PITPNA: variants seen among roughly 807,000 people sequenced by gnomAD.
The protein encoded by PITPNA is phosphatidylinositol transfer protein alpha, also known as phosphatidylinositol transfer protein alpha isoform.
Under a neutral mutation model 50.3 loss-of-function variants are expected in PITPNA, and 13 were observed. That is an observed-to-expected ratio of 0.26 (90% CI 0.17 to 0.41). The LOEUF is 0.41. Ranked by LOEUF, PITPNA falls within the 10% of genes least tolerant of loss-of-function variation. The pLI is 1.00. For synonymous variants in PITPNA, 120 were observed against 119.6 expected, an observed-to-expected ratio of 1.00 and a Z score of -0.02; for missense variants, 207 against 333.4, an observed-to-expected ratio of 0.62 and a Z score of 2.95.
intron 10 of PITPNA, among the ~76,000 whole-genome samples, chr17:1,525,543 C>A (rs981528143): frequency 4.5e-5 from 6 of 132,972 alleles, no homozygotes; most frequent in African/African-American, 1.7e-4. Flanking sequence ...CAAGGTCTCA[C>A]TCTGTCGCTC....
chr17:1,528,730 G>C (rs531725637), intron 10 of PITPNA, among the ~76,000 whole-genome samples: 9 of 149,000 alleles, frequency 6.0e-5, no homozygotes, highest in Admixed American at 4.0e-4. Context: ...GAGCGAGACT[G>C]TCTCTCTTAA....
At chr17:1,555,744 G>A (rs1306595671) in intron 2 of PITPNA, among the ~76,000 whole-genome samples, 1 of 152,210 alleles carries the variant, frequency 6.6e-6, no homozygotes, top group African/African-American at 2.4e-5. Flanking sequence ...GGGTACCAGA[G>A]GGGGACTGGT....
rs2075491993 is a variant in PITPNA, at chr17:1,519,023, GTCTGTCCA to G, written c.*1530_*1537del. ...AGCGCTAACCATGCTGGGGGTCTGA[GTCTGTCCA>G]CCCTTGCCCCAGGAGGGCCACAGGG... On this transcript the variant is annotated 3_prime_UTR_variant, in exon 12 of 12. Coordinates refer to ENST00000313486, the MANE Select transcript of PITPNA (RefSeq NM_006224.4). 1 of 152,310 alleles carries G rather than the reference GTCTGTCCA, an allele frequency of 6.6e-6. No homozygotes were observed. Among genetic ancestry groups the G allele is most frequent in the Non-Finnish European group, 1.5e-5 (1 of 68,052 alleles). 9.4% of individuals were successfully genotyped at this position (152,310 alleles called of 1,614,324 possible). A position where few individuals can be genotyped will look rare whatever the true frequency, so the allele number is the denominator to read the frequency against.
intron 11 of PITPNA, among the ~76,000 whole-genome samples, chr17:1,520,898 A>G (rs991291552): frequency 6.6e-6 from 1 of 152,128 alleles, no homozygotes; most frequent in African/African-American, 2.4e-5. Flanking sequence ...CAGGTTTTTC[A>G]TTCAGTGATT....
At chr17:1,543,737 T>C (rs2075659660) in intron 4 of PITPNA, among the ~76,000 whole-genome samples, 1 of 152,068 alleles carries the variant, frequency 6.6e-6, no homozygotes, top group South Asian at 2.1e-4. Context: ...GAGCACAAAA[T>C]GAGGCAAAGT....
At chr17:1,528,493 T>A (rs932897978) in intron 10 of PITPNA, among the ~76,000 whole-genome samples, 1 of 152,118 alleles carries the variant, frequency 6.6e-6, no homozygotes, top group South Asian at 2.1e-4. Context: ...ATGATGGTAA[T>A]CCCAGCACTT....
At chr17:1,527,682 A>T (rs1280720725) in intron 10 of PITPNA, among the ~76,000 whole-genome samples, 9 of 152,200 alleles carry the variant, frequency 5.9e-5, no homozygotes, top group African/African-American at 2.2e-4. Flanking sequence ...TTTGAAAATC[A>T]TTTTGACCAT....
chr17:1,523,200 T>C (rs568390788), intron 10 of PITPNA, among the ~76,000 whole-genome samples: 83 of 152,358 alleles, frequency 5.4e-4, no homozygotes, highest in African/African-American at 1.9e-3. Flanking sequence ...AAATCAGTTC[T>C]GATTTGAAAA....
chr17:1,546,473 G>A (rs548348582), intron 4 of PITPNA, among the ~76,000 whole-genome samples: 1 of 152,276 alleles, frequency 6.6e-6, no homozygotes, highest in Admixed American at 6.5e-5. Flanking sequence ...AAGTCCACAG[G>A]ATAAGGGTGA....
chr17:1,525,092 C>T (rs180836361), intron 10 of PITPNA, among the ~76,000 whole-genome samples: 10 of 151,852 alleles, frequency 6.6e-5, no homozygotes, highest in Admixed American at 2.6e-4. Context: ...TGGGTTCAAG[C>T]GATTCTTCTG....
intron 10 of PITPNA, among the ~76,000 whole-genome samples, chr17:1,531,820 A>C (rs549769401): frequency 6.6e-6 from 1 of 152,232 alleles, no homozygotes; most frequent in African/African-American, 2.4e-5. Context: ...ACAAAATATA[A>C]CTTTGATGAA....
intron 10 of PITPNA, among the ~76,000 whole-genome samples, chr17:1,530,152 T>G (rs1444544594): frequency 6.6e-6 from 1 of 152,132 alleles, no homozygotes; most frequent in African/African-American, 2.4e-5. Context: ...ACAAATATTT[T>G]TATTACTACC....
intron 1 of PITPNA, among the ~76,000 whole-genome samples, chr17:1,560,382 C>G (rs2075762001): frequency 7.5e-6 from 1 of 133,878 alleles, no homozygotes; most frequent in South Asian, 2.1e-4. Context: ...CAGCCAGTGT[C>G]TCGGATGCCC....
At chr17:1,560,191 G>C (rs777283965) in intron 1 of PITPNA, among the ~76,000 whole-genome samples, 6 of 152,180 alleles carry the variant, frequency 3.9e-5, no homozygotes, top group Non-Finnish European at 5.9e-5. Flanking sequence ...GGCTGCTGAC[G>C]TGACGGCTGC....
intron 10 of PITPNA, among the ~76,000 whole-genome samples, chr17:1,523,349 A>G (rs1206954202): frequency 2.6e-5 from 4 of 151,992 alleles, no homozygotes; most frequent in Admixed American, 1.3e-4. Context: ...CCTAGACTGT[A>G]TTGTTTTGTT....
In PITPNA at chr17:1,543,010, C is replaced by A. The variant is rs756321169; in HGVS notation, c.297+10G>T. On this transcript the variant is annotated intron_variant, in intron 5 of 11. Coordinates refer to ENST00000313486, the MANE Select transcript of PITPNA (RefSeq NM_006224.4). ...TCATCTACAGTTCCAACCCCCTTGA[C>A]AATACTTACTGTAATAACTGCTCCG... The A allele has an allele frequency of 1.9e-6, 3 of 1,583,400 alleles. No individual in the cohort carries two copies. Among genetic ancestry groups the A allele is most frequent in the South Asian group, 1.1e-5 (1 of 89,810 alleles).
chr17:1,525,232 C>T (rs898298422), intron 10 of PITPNA, among the ~76,000 whole-genome samples: 4 of 152,106 alleles, frequency 2.6e-5, no homozygotes, highest in African/African-American at 9.6e-5. Context: ...TCATGATCCG[C>T]CCGCCTCAGC....
intron 9 of PITPNA, among the ~76,000 whole-genome samples, chr17:1,534,462 C>A (rs982965526): frequency 6.6e-6 from 1 of 152,174 alleles, no homozygotes; most frequent in Non-Finnish European, 1.5e-5. Context: ...CTACCTCACA[C>A]TAGGCCCTCT....
chr17:1,534,284 C>T, intron 9 of PITPNA, 63 bp from the exon 10 acceptor site: 1 of 1,599,504 alleles, frequency 6.3e-7, no homozygotes, highest in Non-Finnish European at 8.6e-7. Flanking sequence ...CAGCCCTTCT[C>T]TCCATGCACT....
Sources: allele counts gnomAD v4.1 joint callset (sites outside exome capture counted in the v4.1 genomes callset), GRCh38; gene constraint gnomAD v4.1.1; transcripts MANE v1.5; gene names NCBI Gene and HGNC (gene_info 2026-07-23, HGNC 2026-07-21).